JDP2: variants seen among roughly 807,000 people sequenced by gnomAD.
The protein encoded by JDP2 is Jun dimerization protein 2, also known as progesterone receptor co-activator.
In JDP2, 9 loss-of-function variants were observed where a neutral mutation model predicts 17.1. The ratio of observed to expected loss-of-function variants is 0.53; its 90% CI spans 0.32 to 0.92. JDP2 has a LOEUF of 0.92. Ranked by LOEUF, JDP2 falls within the 40% of genes least tolerant of loss-of-function variation. The pLI, the probability that JDP2 is intolerant of heterozygous loss-of-function variation, is 0.04. For synonymous variants in JDP2, 107 were observed against 95.6 expected (o/e 1.12, Z -0.69); for missense variants, 179 against 220.0 (o/e 0.81, Z 1.18).
chr14:75,469,479 T>C lies in JDP2; in HGVS notation c.*4T>C. ...CGAGCAGCTCGAGAAGAAGTGACCA[T>C]GGGCTGGGAGGAGGTGGAGGAGGAG... is the stretch of plus-strand genomic sequence containing the variant. On this transcript the variant is annotated 3_prime_UTR_variant, in exon 4 of 4. Coordinates refer to ENST00000651602, the MANE Select transcript of JDP2 (RefSeq NM_001135048.2). The C allele has an allele frequency of 6.2e-7, 1 of 1,609,704 alleles. No homozygotes were observed. The highest frequency in any genetic ancestry group is 1.1e-5 in the South Asian group (1 of 90,762).
chr14:75,457,308 C>T lies in JDP2; in HGVS notation c.202-4118C>T, dbSNP rs773181921. Among the ~76,000 whole-genome samples, 68 of 152,250 alleles carry T rather than the reference C, an allele frequency of 4.5e-4. 1 individual carries two copies. The highest frequency in any genetic ancestry group is 8.4e-4 in the Non-Finnish European group (57 of 68,042). On this transcript the variant is annotated intron_variant, in intron 2 of 3. Transcript: ENST00000651602. ...AGAAGCACCAGGAAGGAGGAGGCAG[C>T]AGCCCTGACTCTGGGGACGAAGGAG...
At chr14:75,461,956 C>A (rs899293406) in intron 3 of JDP2, among the ~76,000 whole-genome samples, 1 of 152,218 alleles carries the variant, frequency 6.6e-6, no homozygotes, top group Non-Finnish European at 1.5e-5. Flanking sequence ...GCCTGGCTAA[C>A]TTTGCACAGA....
chr14:75,438,114 A>T lies in JDP2; in HGVS notation c.194A>T (p.Lys65Ile), dbSNP rs773908410. Reference sequence around the variant, plus strand: ...CTGGGCAAGAGGCCCCAGCCCGTGAAAAGTGAGGTGAGCGAGCCTTTTACC... The same window carrying T: ...CTGGGCAAGAGGCCCCAGCCCGTGATAAGTGAGGTGAGCGAGCCTTTTACC... ...VKLGKRPQPV[K>I]SELDEEEERR... Residue 65 changes from lysine to isoleucine, a missense_variant, in exon 2 of 4, where the codon AAA becomes ATA. Transcript: ENST00000651602. 8.7e-6 allele frequency: 14 copies of T among 1,607,322 alleles called. No individual in the cohort carries two copies. Among genetic ancestry groups the T allele is most frequent in the Non-Finnish European group, 1.1e-5 (13 of 1,175,452 alleles).
At chr14:75,454,608 G>A (rs1409155254) in intron 2 of JDP2, among the ~76,000 whole-genome samples, 2 of 152,138 alleles carry the variant, frequency 1.3e-5, no homozygotes, top group Admixed American at 6.5e-5. Context: ...AACTGACAAC[G>A]GGCAGGCAAA....
chr14:75,465,727 T>A (rs1886544921), intron 3 of JDP2, among the ~76,000 whole-genome samples: 3 of 152,338 alleles, frequency 2.0e-5, no homozygotes, highest in Admixed American at 6.5e-5. Context: ...GTGGCCAAGT[T>A]CACACAGCCA....
intron 2 of JDP2, among the ~76,000 whole-genome samples, chr14:75,438,606 C>T (rs1206653386): frequency 6.6e-6 from 1 of 152,214 alleles, no homozygotes; most frequent in Non-Finnish European, 1.5e-5. Flanking sequence ...GCAGCTGAAC[C>T]AGGGAACTTG....
intron 3 of JDP2, among the ~76,000 whole-genome samples, chr14:75,465,488 C>T (rs1175255613): frequency 6.6e-6 from 1 of 152,062 alleles, no homozygotes; most frequent in Non-Finnish European, 1.5e-5. Flanking sequence ...CACGACCATG[C>T]CTGGCTAATT....
chr14:75,433,449 T>C (rs1410677255), intron 1 of JDP2, among the ~76,000 whole-genome samples: 4 of 151,102 alleles, frequency 2.6e-5, no homozygotes, highest in African/African-American at 9.7e-5. Flanking sequence ...TTTCTAGACT[T>C]GACATGTTTT....
intron 2 of JDP2, among the ~76,000 whole-genome samples, chr14:75,442,442 T>C (rs1304074447): frequency 2.0e-5 from 3 of 152,226 alleles, no homozygotes; most frequent in Non-Finnish European, 4.4e-5. Context: ...TCATACCATC[T>C]GTGTTGCCAG....
chr14:75,436,850 C>T (rs1482979292), intron 1 of JDP2, among the ~76,000 whole-genome samples: 1 of 152,218 alleles, frequency 6.6e-6, no homozygotes, highest in Non-Finnish European at 1.5e-5. Context: ...CCCTTGTACA[C>T]CTTTTTGGTT....
chr14:75,461,328 G>A (rs754827783), intron 2 of JDP2, 98 bp from the exon 3 acceptor site: 4 of 870,894 alleles, frequency 4.6e-6, no homozygotes, highest in East Asian at 5.3e-5. Context: ...CGAGATGTGG[G>A]TTAGAAAGGC....
At chr14:75,447,595 G>C (rs1048502373) in intron 2 of JDP2, among the ~76,000 whole-genome samples, 1 of 140,546 alleles carries the variant, frequency 7.1e-6, no homozygotes. Context: ...CTGCTACTTC[G>C]CATTAACTGA....
Position 75,439,816 on chromosome 14 carries a change from A to G in JDP2, c.201+1695A>G, listed in dbSNP as rs147673989. Among the ~76,000 whole-genome samples, 1,271 of 152,220 alleles carry G rather than the reference A, an allele frequency of 8.3e-3. 4 individuals are homozygous for G. The highest frequency in any genetic ancestry group is 0.024 in the South Asian group (118 of 4,820). On this transcript the variant is annotated intron_variant, in intron 2 of 3. Transcript: ENST00000651602. Reference sequence around the variant, plus strand: ...TGCTCCTCACCTTCCCAGGTCTGTAACTTGAGAGCATCTGTTTCTGGATCA... The same window carrying G: ...TGCTCCTCACCTTCCCAGGTCTGTAGCTTGAGAGCATCTGTTTCTGGATCA...
At chr14:75,465,631 A>G (rs1236660254) in intron 3 of JDP2, among the ~76,000 whole-genome samples, 2 of 152,030 alleles carry the variant, frequency 1.3e-5, no homozygotes, top group Non-Finnish European at 2.9e-5. Flanking sequence ...TGCCCAGCCA[A>G]TTCAAACAAT....
intron 2 of JDP2, among the ~76,000 whole-genome samples, chr14:75,445,854 A>T (rs1885575551): frequency 1.3e-5 from 2 of 152,230 alleles, no homozygotes; most frequent in African/African-American, 4.8e-5. Flanking sequence ...TTCAAAGGAC[A>T]CAAAGTAAAA....
chr14:75,440,437 A>G (rs148982231), intron 2 of JDP2, among the ~76,000 whole-genome samples: 8 of 152,348 alleles, frequency 5.3e-5, no homozygotes, highest in African/African-American at 7.2e-5. Context: ...CTGAAGATCT[A>G]TTTGCATATG....
chr14:75,434,428 AG>A (rs1407965092), intron 1 of JDP2, among the ~76,000 whole-genome samples: 2 of 152,010 alleles, frequency 1.3e-5, no homozygotes, highest in African/African-American at 4.8e-5. Flanking sequence ...GCTCTTTTGC[AG>A]GGGGAGGAAA....
At position 75,442,113 on chromosome 14, in the gene JDP2, A is replaced by G. The variant is rs115998512; in HGVS notation, c.201+3992A>G. Among the ~76,000 whole-genome samples the G allele has an allele frequency of 9.3e-3, 1,413 of 152,188 alleles. 21 individuals carry two copies. Among genetic ancestry groups the G allele is most frequent in the African/African-American group, 0.032 (1,342 of 41,520 alleles). On this transcript the variant is annotated intron_variant, in intron 2 of 3. Coordinates refer to ENST00000651602, the MANE Select transcript of JDP2 (RefSeq NM_001135048.2). ...TGACCTTTCAGGAAAGAGGCTGCAC[A>G]CTGTCGTTAAGGGGCAGGAGTCGGC...
chr14:75,460,935 A>G (rs890866704), intron 2 of JDP2, among the ~76,000 whole-genome samples: 2 of 152,210 alleles, frequency 1.3e-5, no homozygotes, highest in Admixed American at 1.3e-4. Flanking sequence ...GTGAAGTCCA[A>G]TATCAAGGTA....
Sources: allele counts gnomAD v4.1 joint callset (sites outside exome capture counted in the v4.1 genomes callset), GRCh38; gene constraint gnomAD v4.1.1; transcripts MANE v1.5; gene names NCBI Gene and HGNC (gene_info 2026-07-23, HGNC 2026-07-21).